SNX30: variants seen among roughly 807,000 people sequenced by gnomAD.
SNX30 encodes sorting nexin family member 30.
SNX30 carries 24 observed loss-of-function variants against 46.4 expected under a neutral mutation model. The ratio of observed to expected loss-of-function variants is 0.52; its 90% CI spans 0.37 to 0.73. The LOEUF is 0.73. Ranked by LOEUF, SNX30 falls within the 30% of genes least tolerant of loss-of-function variation. The pLI, the probability that SNX30 is intolerant of heterozygous loss-of-function variation, is 0.00. For synonymous variants in SNX30, 189 were observed against 211.5 expected, an observed-to-expected ratio of 0.89 and a Z score of 0.92; for missense variants, 533 against 555.7, an observed-to-expected ratio of 0.96 and a Z score of 0.41.
At chr9:112,752,527 C>T (rs939480006) in intron 1 of SNX30, among the ~76,000 whole-genome samples, 11 of 152,178 alleles carry the variant, frequency 7.2e-5, no homozygotes, top group Middle Eastern at 3.4e-3. Context: ...ATTGCTTGAG[C>T]CTGGGAGTTC....
At chr9:112,771,805 G>T (rs1839653927) in intron 1 of SNX30, among the ~76,000 whole-genome samples, 1 of 152,158 alleles carries the variant, frequency 6.6e-6, no homozygotes, top group Non-Finnish European at 1.5e-5. Flanking sequence ...AAGAGATAAG[G>T]CTAAACTGTG....
intron 1 of SNX30, among the ~76,000 whole-genome samples, chr9:112,804,183 A>T (rs1293905678): frequency 4.0e-5 from 6 of 148,802 alleles, no homozygotes; most frequent in African/African-American, 1.2e-4. Context: ...TTTTTTTTTT[A>T]AATGGAGTTT....
chr9:112,842,799 C>G (rs950241921), intron 6 of SNX30, among the ~76,000 whole-genome samples: 1 of 152,188 alleles, frequency 6.6e-6, no homozygotes, highest in South Asian at 2.1e-4. Flanking sequence ...GGGTCATTAT[C>G]AAGGCACTCG....
intron 7 of SNX30, among the ~76,000 whole-genome samples, chr9:112,855,697 G>A (rs1157051330): frequency 6.6e-6 from 1 of 152,210 alleles, no homozygotes; most frequent in African/African-American, 2.4e-5. Flanking sequence ...GTTTTGCATT[G>A]TGGTTGGGCT....
intron 1 of SNX30, among the ~76,000 whole-genome samples, chr9:112,770,602 T>TC (rs1564262877): frequency 6.6e-6 from 1 of 152,042 alleles, no homozygotes; most frequent in Admixed American, 6.6e-5. Context: ...CACTTCTCTC[T>TC]CCCCCTGCCC....
chr9:112,819,266 C>CTTTTTT (rs35138610), intron 3 of SNX30, among the ~76,000 whole-genome samples: 585 of 116,802 alleles, frequency 5.0e-3, no homozygotes, highest in Non-Finnish European at 5.8e-3. Context: ...TTCTTTCTTT[C>CTTTTTT]TTTTTTTTTT....
chr9:112,772,774 A>G (rs1839672668), intron 1 of SNX30, among the ~76,000 whole-genome samples: 1 of 152,246 alleles, frequency 6.6e-6, no homozygotes, highest in Admixed American at 6.5e-5. Context: ...TTGTTACTAC[A>G]TAAACGAATA....
intron 3 of SNX30, among the ~76,000 whole-genome samples, chr9:112,820,913 ATT>A (rs1384110202): frequency 6.6e-6 from 1 of 152,112 alleles, no homozygotes; most frequent in African/African-American, 2.4e-5. Context: ...ATAATACCAC[ATT>A]TTGTCTATTC....
At chr9:112,879,829 T>C, downstream of SNX30, 1 of 1,611,748 alleles carries the variant, frequency 6.2e-7, no homozygotes, top group South Asian at 1.1e-5. Flanking sequence ...GCTGTAAGAA[T>C]TGACCATAGA....
chr9:112,885,083 C>T (rs1367149331), downstream of SNX30: 1 of 152,272 alleles, frequency 6.6e-6, no homozygotes, highest in South Asian at 2.1e-4. Flanking sequence ...AGGAATGAGA[C>T]CTGGTCATGC....
At chr9:112,780,710 G>A (rs10981503) in intron 1 of SNX30, among the ~76,000 whole-genome samples, 9,575 of 152,158 alleles carry the variant, frequency 0.063, 371 homozygotes, top group Middle Eastern at 0.11. Context: ...TGCTACCTTG[G>A]GTGATTTTGA....
chr9:112,879,010 C>T (rs554690089), downstream of SNX30: 1 of 152,198 alleles, frequency 6.6e-6, no homozygotes, highest in African/African-American at 2.4e-5. Context: ...TAAAATAGCT[C>T]TTAATGTACC....
intron 3 of SNX30, among the ~76,000 whole-genome samples, chr9:112,828,606 C>T (rs531861090): frequency 2.0e-5 from 3 of 152,158 alleles, no homozygotes; most frequent in Admixed American, 6.5e-5. Context: ...TTGTTAATTC[C>T]TTCATGGGGG....
chr9:112,828,476 CTG>C (rs1429949300), intron 3 of SNX30, among the ~76,000 whole-genome samples: 1 of 151,776 alleles, frequency 6.6e-6, no homozygotes, highest in Non-Finnish European at 1.5e-5. Flanking sequence ...GAGTGTATCT[CTG>C]TCATTAAGTG....
intron 3 of SNX30, among the ~76,000 whole-genome samples, chr9:112,822,560 A>G (rs2131430862): frequency 7.3e-6 from 1 of 137,622 alleles, no homozygotes; most frequent in African/African-American, 2.7e-5. Context: ...TTTTGTAAGA[A>G]CCTGTAACAT....
chr9:112,852,042 A>C (rs1198489308), intron 7 of SNX30, among the ~76,000 whole-genome samples: 1 of 152,208 alleles, frequency 6.6e-6, no homozygotes, highest in East Asian at 1.9e-4. Flanking sequence ...TGAGACTGAG[A>C]CATGGCTCAG....
chr9:112,821,419 A>G (rs1438127124), intron 3 of SNX30, among the ~76,000 whole-genome samples: 1 of 151,582 alleles, frequency 6.6e-6, no homozygotes, highest in Admixed American at 6.7e-5. Flanking sequence ...ATGTGTGTAT[A>G]TATATATGTG....
At chr9:112,848,226 T>C (rs1298366693) in intron 6 of SNX30, among the ~76,000 whole-genome samples, 1 of 152,020 alleles carries the variant, frequency 6.6e-6, no homozygotes, top group Non-Finnish European at 1.5e-5. Context: ...GAGGGGCCTC[T>C]CTGCAGACGC....
chr9:112,837,887 CTTTTTTTTT>C (rs10713538), intron 5 of SNX30, among the ~76,000 whole-genome samples: 1 of 71,176 alleles, frequency 1.4e-5, no homozygotes, highest in Admixed American at 1.7e-4. Context: ...TGGTTCTTTT[CTTTTTTTTT>C]TTTTTTTTTT....
Sources: gnomAD v4.1 joint callset for allele counts (sites outside exome capture counted in the v4.1 genomes callset) on GRCh38, gnomAD v4.1.1 for gene constraint, MANE v1.5 for transcripts, NCBI Gene and HGNC (gene_info 2026-07-23, HGNC 2026-07-21) for gene names.